Variants in CSMD3 observed in about 807,000 individuals in gnomAD.
The protein encoded by CSMD3 is CUB and sushi domain-containing protein 3.
In CSMD3, 177 loss-of-function variants were observed where a neutral mutation model predicts 435.2. The ratio of observed to expected loss-of-function variants is 0.41; its 90% CI spans 0.36 to 0.46. The LOEUF is 0.46. CSMD3 is among the 20% of genes least tolerant of loss of function. CSMD3 has a pLI of 0.34. For synonymous variants in CSMD3, 1,656 were observed against 1,520.5 expected, an observed-to-expected ratio of 1.09 and a Z score of -2.07; for missense variants, 4,265 against 4,504.6, an observed-to-expected ratio of 0.95 and a Z score of 1.52.
intron 1 of CSMD3, among the ~76,000 whole-genome samples, chr8:113,321,169 A>G (rs1346053004): frequency 6.6e-6 from 1 of 152,090 alleles, no homozygotes; most frequent in African/African-American, 2.4e-5. Context: ...TCATTTCTAC[A>G]ACAAACAAAC....
intron 3 of CSMD3, among the ~76,000 whole-genome samples, chr8:113,197,034 C>T (rs2092664510): frequency 6.6e-6 from 1 of 151,070 alleles, no homozygotes. Flanking sequence ...TGTATTTTAG[C>T]CCAGAGTACA....
chr8:113,393,616 A>G (rs1490979481), intron 1 of CSMD3, among the ~76,000 whole-genome samples: 1 of 152,156 alleles, frequency 6.6e-6, no homozygotes, highest in Admixed American at 6.6e-5. Flanking sequence ...GGAGAAGGAA[A>G]ATGAGAAAGG....
chr8:113,218,227 C>T (rs1422302125), intron 3 of CSMD3, among the ~76,000 whole-genome samples: 5 of 148,948 alleles, frequency 3.4e-5, no homozygotes, highest in African/African-American at 9.8e-5. Context: ...AAAGAAAGTC[C>T]CTCAGGCCTA....
chr8:113,224,276 G>T (rs912025516), intron 3 of CSMD3, among the ~76,000 whole-genome samples: 9 of 150,964 alleles, frequency 6.0e-5, no homozygotes, highest in African/African-American at 1.9e-4. Context: ...TTTTGTATTT[G>T]CCCATTACTG....
intron 13 of CSMD3, among the ~76,000 whole-genome samples, chr8:112,752,937 G>C (rs1464986495): frequency 7.4e-6 from 1 of 134,260 alleles, no homozygotes; most frequent in African/African-American, 2.9e-5. Context: ...GTGTGTGTGT[G>C]TGTACAGAGA....
rs1425650688 is a variant in CSMD3 at position 113,436,611 on chromosome 8, CCT to C, written c.178+64_178+65del. The C allele has an allele frequency of 2.8e-6, 4 of 1,417,162 alleles. No individual in the cohort carries two copies. In the African/African-American group the frequency reaches 5.6e-5, roughly 20 times the overall value. 87.8% of individuals were successfully genotyped at this position (1,417,162 alleles called of 1,614,324 possible). On this transcript the variant is annotated intron_variant, in intron 1 of 70. Transcript: ENST00000297405. The stretch of plus-strand genomic sequence containing the variant: ...TGCAAATTGCAAAGTAAGCTGCCAG[CCT>C]CTCTCCATCTACAAGTCAGCCCACC...
At chr8:112,756,201 C>T (rs2077694652) in intron 13 of CSMD3, among the ~76,000 whole-genome samples, 1 of 152,066 alleles carries the variant, frequency 6.6e-6, no homozygotes, top group Non-Finnish European at 1.5e-5. Flanking sequence ...AATCAGGTAC[C>T]ATGTACTGGT....
chr8:112,449,321 C>A (rs926285008), intron 32 of CSMD3, among the ~76,000 whole-genome samples: 2 of 152,066 alleles, frequency 1.3e-5, no homozygotes, highest in African/African-American at 4.8e-5. Flanking sequence ...TAGAAGCAAC[C>A]CTCGCTCTTC....
At chr8:112,705,901 G>A (rs542106717) in intron 13 of CSMD3, among the ~76,000 whole-genome samples, 40 of 152,106 alleles carry the variant, frequency 2.6e-4, no homozygotes, top group African/African-American at 9.2e-4. Context: ...GAAACATGAA[G>A]TGATAAGGGA....
intron 12 of CSMD3, among the ~76,000 whole-genome samples, chr8:112,809,998 A>G (rs1484981575): frequency 6.6e-6 from 1 of 152,092 alleles, no homozygotes; most frequent in Non-Finnish European, 1.5e-5. Context: ...TACATTGACT[A>G]ATCTCTCATC....
chr8:113,366,740 T>C (rs1422099963), intron 1 of CSMD3, among the ~76,000 whole-genome samples: 1 of 152,058 alleles, frequency 6.6e-6, no homozygotes, highest in Non-Finnish European at 1.5e-5. Context: ...ATTTACAATA[T>C]AGAAGTAAAG....
At chr8:112,343,265 C>A (rs180959086) in intron 41 of CSMD3, among the ~76,000 whole-genome samples, 79 of 151,896 alleles carry the variant, frequency 5.2e-4, no homozygotes, top group African/African-American at 1.7e-3. Flanking sequence ...TAAAATAATT[C>A]ATTTAGCTAC....
chr8:112,392,314 C>CAAAAAAAAA (rs1200157495), intron 35 of CSMD3, among the ~76,000 whole-genome samples: 1 of 83,976 alleles, frequency 1.2e-5, no homozygotes, highest in African/African-American at 4.9e-5. Context: ...GGCAATTACT[C>CAAAAAAAAA]AAAAAAAAAA....
intron 1 of CSMD3, among the ~76,000 whole-genome samples, chr8:113,328,928 G>A (rs1483917691): frequency 4.0e-5 from 6 of 150,240 alleles, no homozygotes; most frequent in African/African-American, 1.2e-4. Flanking sequence ...TTTTTGTAGG[G>A]ATGGAATTTC....
At chr8:112,935,507 C>CT (rs916733055) in intron 9 of CSMD3, among the ~76,000 whole-genome samples, 1 of 151,960 alleles carries the variant, frequency 6.6e-6, no homozygotes, top group Non-Finnish European at 1.5e-5. Flanking sequence ...AGTATAGACA[C>CT]TTTTTTCATG....
intron 1 of CSMD3, among the ~76,000 whole-genome samples, chr8:113,359,371 G>A (rs2094255737): frequency 1.3e-5 from 2 of 152,308 alleles, no homozygotes; most frequent in East Asian, 3.9e-4. Context: ...AAGTAGGTGG[G>A]TGGTTTAATT....
chr8:112,644,101 A>G (rs982043496), intron 20 of CSMD3, among the ~76,000 whole-genome samples: 12 of 151,782 alleles, frequency 7.9e-5, no homozygotes, highest in African/African-American at 2.7e-4. Flanking sequence ...TCAAAATCAG[A>G]TTTTAAAATG....
chr8:112,335,851 T>C (rs1824508858), intron 44 of CSMD3, among the ~76,000 whole-genome samples: 1 of 152,066 alleles, frequency 6.6e-6, no homozygotes, highest in South Asian at 2.1e-4. Flanking sequence ...TTACAACTCT[T>C]AGAACTCAGA....
intron 10 of CSMD3, among the ~76,000 whole-genome samples, chr8:112,881,878 A>C (rs1393467241): frequency 6.6e-6 from 1 of 151,956 alleles, no homozygotes; most frequent in Non-Finnish European, 1.5e-5. Flanking sequence ...TTTACAGGAG[A>C]GTCTATTTCT....
Sources: gnomAD v4.1 joint callset for allele counts (sites outside exome capture counted in the v4.1 genomes callset) on GRCh38, gnomAD v4.1.1 for gene constraint, MANE v1.5 for transcripts, NCBI Gene and HGNC (gene_info 2026-07-23, HGNC 2026-07-21) for gene names.